FOXJ3: variants seen among roughly 807,000 people sequenced by gnomAD.
FOXJ3 encodes the protein forkhead box protein J3.
Under a neutral mutation model 76.1 loss-of-function variants are expected in FOXJ3, and 22 were observed. The ratio of observed to expected loss-of-function variants is 0.29; its 90% CI spans 0.21 to 0.41. FOXJ3 has a LOEUF of 0.41. Ranked by LOEUF, FOXJ3 falls within the 10% of genes least tolerant of loss-of-function variation. FOXJ3 has a pLI of 1.00. For missense variants in FOXJ3, 613 were observed against 762.1 expected (o/e 0.80, Z 2.30); for synonymous variants, 269 against 261.2 (o/e 1.03, Z -0.29).
In FOXJ3 at chr1:42,247,716, A is replaced by G. The variant is rs557086936; in HGVS notation, c.444+17399T>C. ...GGTAAAGCTGGCTGTTCCTCAAAAG[A>G]TTAAACATATGACCCAGCAATTCCA... is the stretch of plus-strand genomic sequence containing the variant. On this transcript the variant is annotated intron_variant, in intron 4 of 12. Transcript: ENST00000361346. Among the ~76,000 whole-genome samples, 34 of 152,346 alleles carry G rather than the reference A, an allele frequency of 2.2e-4. No individual in the cohort carries two copies. The East Asian group carries it at 4.8e-3, about 22-fold the overall frequency.
At chr1:42,304,181 C>G (rs1654324203) in intron 2 of FOXJ3, among the ~76,000 whole-genome samples, 1 of 151,688 alleles carries the variant, frequency 6.6e-6, no homozygotes, top group African/African-American at 2.4e-5. Flanking sequence ...AATAAAATAC[C>G]TAGGAATTAA....
chr1:42,239,584 T>C (rs532607112), intron 4 of FOXJ3, among the ~76,000 whole-genome samples: 1 of 152,286 alleles, frequency 6.6e-6, no homozygotes, highest in African/African-American at 2.4e-5. Flanking sequence ...TACTCATCAA[T>C]TGTCACACAT....
At chr1:42,190,433 C>T (rs1005080081) in intron 9 of FOXJ3, among the ~76,000 whole-genome samples, 7 of 152,220 alleles carry the variant, frequency 4.6e-5, no homozygotes, top group African/African-American at 1.7e-4. Flanking sequence ...TGAAGCAAGT[C>T]GTAACTTAGG....
chr1:42,294,585 C>T (rs1480437356), intron 2 of FOXJ3, among the ~76,000 whole-genome samples: 2 of 151,916 alleles, frequency 1.3e-5, no homozygotes, highest in African/African-American at 4.8e-5. Context: ...ATGGCGAAAC[C>T]CCATCTCTAC....
chr1:42,244,654 GA>G (rs149587736), intron 4 of FOXJ3, among the ~76,000 whole-genome samples: 34 of 144,996 alleles, frequency 2.3e-4, no homozygotes, highest in Admixed American at 2.7e-4. Context: ...CACTAATCAA[GA>G]AAAAAAAAAA....
intron 7 of FOXJ3, among the ~76,000 whole-genome samples, chr1:42,196,646 A>C (rs1646656678): frequency 6.6e-6 from 1 of 152,168 alleles, no homozygotes; most frequent in South Asian, 2.1e-4. Flanking sequence ...TAAGCTGAGA[A>C]CACACCATTG....
intron 2 of FOXJ3, among the ~76,000 whole-genome samples, chr1:42,299,448 G>C (rs940261952): frequency 6.7e-6 from 1 of 148,928 alleles, no homozygotes; most frequent in Admixed American, 6.7e-5. Flanking sequence ...TTTTCCATTT[G>C]CATGATAAAT....
intron 3 of FOXJ3, among the ~76,000 whole-genome samples, chr1:42,273,978 T>A (rs1359748648): frequency 6.6e-6 from 1 of 152,176 alleles, no homozygotes; most frequent in East Asian, 1.9e-4. Context: ...GGCACCTTTT[T>A]TGCTTTCCCC....
chr1:42,278,953 T>C (rs977276388), intron 2 of FOXJ3, among the ~76,000 whole-genome samples: 2 of 152,196 alleles, frequency 1.3e-5, no homozygotes, highest in Admixed American at 6.5e-5. Context: ...CCAATCTTTC[T>C]AAAAATCACT....
intron 11 of FOXJ3, among the ~76,000 whole-genome samples, chr1:42,183,221 A>G (rs1646359980): frequency 6.9e-6 from 1 of 145,952 alleles, no homozygotes; most frequent in African/African-American, 2.6e-5. Flanking sequence ...GTGCTACTAC[A>G]CTCCAGCCTG....
intron 2 of FOXJ3, among the ~76,000 whole-genome samples, chr1:42,286,886 G>A (rs147461521): frequency 1.2e-3 from 181 of 151,550 alleles, no homozygotes; most frequent in African/African-American, 4.3e-3. Context: ...CGCCTGCTTC[G>A]GCCTCCCAAA....
At chr1:42,184,262 T>C (rs1646388951) in intron 11 of FOXJ3, among the ~76,000 whole-genome samples, 1 of 152,118 alleles carries the variant, frequency 6.6e-6, no homozygotes, top group Non-Finnish European at 1.5e-5. Flanking sequence ...GTTCATGTCA[T>C]AATGAAAATG....
intron 1 of FOXJ3, among the ~76,000 whole-genome samples, chr1:42,316,778 G>T (rs1655138603): frequency 6.6e-6 from 1 of 152,138 alleles, no homozygotes; most frequent in South Asian, 2.1e-4. Flanking sequence ...ACTTAGGAAT[G>T]GAAAACCAAA....
At chr1:42,280,551 T>C (rs1652634714) in intron 2 of FOXJ3, 1 of 435,162 alleles carries the variant, frequency 2.3e-6, no homozygotes, top group Admixed American at 6.8e-5. Context: ...GAAGATAGGA[T>C]AATTTAGAGA....
chr1:42,309,906 T>A (rs757121199), intron 2 of FOXJ3, among the ~76,000 whole-genome samples: 1 of 152,230 alleles, frequency 6.6e-6, no homozygotes, highest in South Asian at 2.1e-4. Flanking sequence ...CACATATGAA[T>A]TGATTGGCAA....
At chr1:42,272,360 C>T (rs72674599) in intron 3 of FOXJ3, among the ~76,000 whole-genome samples, 3,866 of 152,180 alleles carry the variant, frequency 0.025, 106 homozygotes, top group East Asian at 0.12. Context: ...ACAAGGCCTG[C>T]GCAAAGGAGA....
Position 42,191,371 on chromosome 1 carries a change from G to A in FOXJ3, c.1283C>T (p.Pro428Leu), listed in dbSNP as rs778004675. The A allele has an allele frequency of 8.8e-6, 14 of 1,593,730 alleles. No homozygotes were observed. In the Admixed American group the frequency reaches 1.9e-4, roughly 21 times the overall value. ...TGTTAACGTCTGATGCTGATGGTTCGGATGGTGCTGTATGTGTTGATGTGG... is the reference window on the plus strand; with the variant it reads ...TGTTAACGTCTGATGCTGATGGTTCAGATGGTGCTGTATGTGTTGATGTGG... ...PSPHQHIQHH[P>L]NHQHQTLTHQ... The change falls in exon 9 of 13, where the codon CCG (proline) becomes CTG (leucine). Residue 428 changes from proline (P) to leucine (L), a missense_variant. Around this residue, in one of 3 missense-constraint regions of FOXJ3, gnomAD observed 526 missense variants for 601.4 expected, o/e 0.87. Coordinates refer to ENST00000361346, the MANE Select transcript of FOXJ3 (RefSeq NM_014947.5).
rs1191858037 is a variant in FOXJ3 at position 42,265,169 on chromosome 1, C to G, written c.390G>C (p.Leu130=). 6.3e-7 allele frequency: 1 copy of G among 1,594,568 alleles called. No homozygotes were observed. Among genetic ancestry groups the G allele is most frequent in the African/African-American group, 1.3e-5 (1 of 74,204 alleles). Residue 130 remains leucine, a synonymous_variant, in exon 4 of 13, where the codon CTG becomes CTC. Coordinates refer to ENST00000361346, the MANE Select transcript of FOXJ3 (RefSeq NM_014947.5). ...SGWKNSIRHN[L]SLNKCFLKVP... is the part of the protein sequence containing the mutation. ...CTTTAAGGAAACATTTGTTCAATGA[C>G]AGATTATGTCGTATGGAATTCTGGA...
At chr1:42,204,761 C>T (rs1008592152) in intron 6 of FOXJ3, among the ~76,000 whole-genome samples, 7 of 136,670 alleles carry the variant, frequency 5.1e-5, no homozygotes, top group Non-Finnish European at 3.1e-5. Context: ...TGTAATTATT[C>T]CAGAGACTGC....
Sources: gnomAD v4.1 joint callset for allele counts (sites outside exome capture counted in the v4.1 genomes callset) on GRCh38, gnomAD v4.1.1 for gene constraint, gnomAD v4.1.1 regional missense constraint, MANE v1.5 for transcripts, NCBI Gene and HGNC (gene_info 2026-07-23, HGNC 2026-07-21) for gene names.